Variants in PPP2R1A observed in about 807,000 individuals in gnomAD.
The protein encoded by PPP2R1A is protein phosphatase 2 scaffold subunit Aalpha, also known as serine/threonine-protein phosphatase 2A 65 kDa regulatory subunit A alpha isoform.
A neutral mutation model predicts 67.1 loss-of-function variants in PPP2R1A; 15 were observed. The observed-to-expected ratio is 0.22, with a 90% CI of 0.15 to 0.34. The LOEUF (loss-of-function observed/expected upper bound fraction) is 0.34. Among genes scored for constraint, PPP2R1A ranks in the 10% least tolerant of loss-of-function variants. The pLI is 1.00. For synonymous variants in PPP2R1A, 337 were observed against 325.0 expected, an observed-to-expected ratio of 1.04 and a Z score of -0.40; for missense variants, 369 against 775.0, an observed-to-expected ratio of 0.48 and a Z score of 6.22.
intron 2 of PPP2R1A, among the ~76,000 whole-genome samples, chr19:52,203,727 C>G (rs1230218227): frequency 1.3e-5 from 2 of 152,124 alleles, no homozygotes; most frequent in African/African-American, 4.8e-5. Context: ...GGTTCAGATC[C>G]CACAGATTGA....
rs751641627 is a variant in PPP2R1A at position 52,215,759 on chromosome 19, C to T, written c.808-20C>T. 9 of 1,605,732 alleles carry T rather than the reference C, an allele frequency of 5.6e-6. No individual in the cohort carries two copies. Among genetic ancestry groups the T allele is most frequent in the South Asian group, 4.4e-5 (4 of 90,906 alleles). On this transcript the variant is annotated intron_variant, in intron 6 of 14. Coordinates refer to ENST00000322088, the MANE Select transcript of PPP2R1A (RefSeq NM_014225.6). ...ACTGCCAGCCCCTCTCACTCTCCCC[C>T]TCCTCCTTCCTGTCTGCAGCTCCAG...
intron 12 of PPP2R1A, 92 bp from the exon 13 acceptor site, chr19:52,222,007 A>T: frequency 7.4e-7 from 1 of 1,345,172 alleles, no homozygotes; most frequent in Non-Finnish European, 1.0e-6. Context: ...GTGGGGCCTG[A>T]TGATCACCAG....
chr19:52,210,611 C>A (rs899995230), intron 3 of PPP2R1A, among the ~76,000 whole-genome samples: 3 of 151,666 alleles, frequency 2.0e-5, no homozygotes, highest in Non-Finnish European at 2.9e-5. Context: ...TCTGCCTCAG[C>A]CTCCCGAGTA....
At chr19:52,209,990 G>A (rs1443895888) in intron 3 of PPP2R1A, among the ~76,000 whole-genome samples, 1 of 152,208 alleles carries the variant, frequency 6.6e-6, no homozygotes, top group Non-Finnish European at 1.5e-5. Flanking sequence ...GTGCCACAGT[G>A]CCTGCCTCTT....
chr19:52,190,420 C>G (rs368396783), intron 1 of PPP2R1A: 2 of 563,276 alleles, frequency 3.6e-6, no homozygotes, highest in East Asian at 3.2e-5. Flanking sequence ...GTGCGCGCGG[C>G]GGTCCGCGGT....
At position 52,224,650 on chromosome 19, in the gene PPP2R1A, A is replaced by G. The variant is rs112242920; in HGVS notation, c.1662-1067A>G. ...CTGTTTGGGGCCCCAGTCCTTGTTT[A>G]TCATACTTCTGACCTTTAAGTAATT... On this transcript the variant is annotated intron_variant, in intron 13 of 14. Transcript: ENST00000322088. Among the ~76,000 whole-genome samples, 932 of 152,224 alleles carry G rather than the reference A, an allele frequency of 6.1e-3. 9 individuals carry two copies. Among genetic ancestry groups the G allele is most frequent in the African/African-American group, 0.021 (872 of 41,524 alleles).
At chr19:52,220,492 A>T (rs1978849948) in intron 11 of PPP2R1A, among the ~76,000 whole-genome samples, 1 of 152,146 alleles carries the variant, frequency 6.6e-6, no homozygotes, top group Admixed American at 6.5e-5. Flanking sequence ...GAGCAGCCAG[A>T]CCAGGGTTTT....
At chr19:52,220,898 A>G (rs968023657) in intron 11 of PPP2R1A, 81 bp from the exon 12 acceptor site, 2 of 1,519,308 alleles carry the variant, frequency 1.3e-6, no homozygotes, top group African/African-American at 2.7e-5. Context: ...TTTGTAAGCC[A>G]TGGTGAGTGT....
intron 9 of PPP2R1A, among the ~76,000 whole-genome samples, chr19:52,217,434 A>G (rs557997537): frequency 2.6e-5 from 4 of 152,184 alleles, no homozygotes; most frequent in African/African-American, 4.8e-5. Context: ...TCCTGATCTC[A>G]AGCAGTCCTT....
rs747276543 is a variant in PPP2R1A, at chr19:52,211,251, T to C, written c.271-9T>C. The C allele has an allele frequency of 5.0e-6, 8 of 1,610,988 alleles. No individual in the cohort carries two copies. Among genetic ancestry groups the C allele is most frequent in the Non-Finnish European group, 6.8e-6 (8 of 1,179,256 alleles). On this transcript the variant is annotated splice_polypyrimidine_tract_variant and intron_variant, in intron 3 of 14. Coordinates refer to ENST00000322088, the MANE Select transcript of PPP2R1A (RefSeq NM_014225.6). The surrounding 1 kb of genome is among the most constrained non-coding windows in gnomAD (Gnocchi z 5.3). ...GGAGCTGTCCAGTGACTTTGTGTTC[T>C]CACCACAGCCACCGCTGGAGTCGCT... is the stretch of plus-strand genomic sequence containing the variant.
intron 9 of PPP2R1A, among the ~76,000 whole-genome samples, chr19:52,217,804 A>G (rs10419304): frequency 0.15 from 23,297 of 151,976 alleles, 2,183 homozygotes; most frequent in African/African-American, 0.27. Flanking sequence ...CTGTATTACA[A>G]AGGATGAGAG....
rs1170135976 is a variant in PPP2R1A, at chr19:52,228,077, C to T, written c.*2096C>T. ...TCTCTTGAGAGTGAGGTTAATGCTACGTGGGTCTAGGGCTGAGGATGTGCT... is the reference window on the plus strand; with the variant it reads ...TCTCTTGAGAGTGAGGTTAATGCTATGTGGGTCTAGGGCTGAGGATGTGCT... On this transcript the variant is annotated 3_prime_UTR_variant, in exon 15 of 15. Transcript: ENST00000322088. The T allele has an allele frequency of 2.6e-5, 4 of 152,152 alleles. No homozygotes were observed. The East Asian group carries it at 5.8e-4, about 22-fold the overall frequency. The allele number at this position is 152,152 out of a possible 1,614,324, so 9.4% of individuals were successfully genotyped here.
At position 52,211,231 on chromosome 19, in the gene PPP2R1A, T is replaced by C. The variant is rs772484306; in HGVS notation, c.271-29T>C. On this transcript the variant is annotated intron_variant, in intron 3 of 14. Transcript: ENST00000322088. The surrounding 1 kb of genome is among the most constrained non-coding windows in gnomAD (Gnocchi z 5.3). ...GGGCTGCGGATGGTGGAGAGGGAGC[T>C]GTCCAGTGACTTTGTGTTCTCACCA... The C allele has an allele frequency of 6.2e-7, 1 of 1,601,180 alleles. No homozygotes were observed. The highest frequency in any genetic ancestry group is 1.3e-5 in the African/African-American group (1 of 74,710).
At chr19:52,203,436 A>G (rs966488738) in intron 2 of PPP2R1A, among the ~76,000 whole-genome samples, 1 of 152,212 alleles carries the variant, frequency 6.6e-6, no homozygotes, top group Non-Finnish European at 1.5e-5. Context: ...TGGGTTTGCA[A>G]TAAGCAGCTC....
chr19:52,216,849 A>G lies in PPP2R1A; in HGVS notation c.1128+186A>G, dbSNP rs944174594. ...GCGTTCATTCCTCCAGGCACTCTTC[A>G]TGAGGCCTTTCCTGGACATGGAGGA... On this transcript the variant is annotated intron_variant, in intron 9 of 14. Transcript: ENST00000322088. This position sits in a 1 kb window ranked among gnomAD's most constrained non-coding sequence, Gnocchi z 4.3. 3.3e-5 allele frequency among the ~76,000 whole-genome samples: 5 copies of G among 152,174 alleles called. No individual in the cohort carries two copies. The highest frequency in any genetic ancestry group is 1.3e-4 in the Admixed American group (2 of 15,274).
chr19:52,203,438 A>C (rs1466688885), intron 2 of PPP2R1A, among the ~76,000 whole-genome samples: 1 of 152,174 alleles, frequency 6.6e-6, no homozygotes, highest in Non-Finnish European at 1.5e-5. Flanking sequence ...GGTTTGCAAT[A>C]AGCAGCTCTG....
chr19:52,194,380 C>A (rs2089480238), intron 1 of PPP2R1A, among the ~76,000 whole-genome samples: 1 of 152,060 alleles, frequency 6.6e-6, no homozygotes, highest in Admixed American at 6.6e-5. Flanking sequence ...GAGGACTAGA[C>A]CAGGACTAGA....
At chr19:52,207,729 G>A (rs1268372568) in intron 3 of PPP2R1A, among the ~76,000 whole-genome samples, 1 of 152,190 alleles carries the variant, frequency 6.6e-6, no homozygotes, top group East Asian at 1.9e-4. Context: ...CCCAGATGAG[G>A]AAACTGAGGC....
chr19:52,195,541 G>T (rs1180273976), intron 1 of PPP2R1A, among the ~76,000 whole-genome samples: 1 of 152,176 alleles, frequency 6.6e-6, no homozygotes, highest in East Asian at 1.9e-4. Context: ...CCTCAAAACT[G>T]CCCCTTGGCC....
Sources: allele counts gnomAD v4.1 joint callset (sites outside exome capture counted in the v4.1 genomes callset), GRCh38; gene constraint gnomAD v4.1.1; non-coding constraint Gnocchi (gnomAD v3.1); transcripts MANE v1.5; gene names NCBI Gene and HGNC (gene_info 2026-07-23, HGNC 2026-07-21).